CSMD1: variants seen among roughly 807,000 people sequenced by gnomAD.
CSMD1 encodes the protein CUB and Sushi multiple domains 1.
CSMD1 carries 213 observed loss-of-function variants against 417.5 expected under a neutral mutation model. The observed-to-expected ratio is 0.51, with a 90% CI of 0.46 to 0.57. The LOEUF (loss-of-function observed/expected upper bound fraction) is 0.57. CSMD1 is among the 20% of genes least tolerant of loss of function. The pLI is 0.00. For missense variants in CSMD1, 6,923 were observed against 4,529.7 expected (o/e 1.53, Z -15.17); for synonymous variants, 2,862 against 1,736.8 (o/e 1.65, Z -16.11).
chr8:3,062,431 T>C (rs1438804596), intron 49 of CSMD1, among the ~76,000 whole-genome samples: 1 of 152,112 alleles, frequency 6.6e-6, no homozygotes, highest in Non-Finnish European at 1.5e-5. Flanking sequence ...AACAGAAATA[T>C]TCTTCCGTTT....
At chr8:3,682,613 C>T (rs1017341093) in intron 7 of CSMD1, among the ~76,000 whole-genome samples, 1 of 152,178 alleles carries the variant, frequency 6.6e-6, no homozygotes, top group South Asian at 2.1e-4. Flanking sequence ...ACTAGTTCAA[C>T]CATTGTGGAA....
chr8:4,930,884 A>G (rs1398382310), intron 1 of CSMD1, among the ~76,000 whole-genome samples: 2 of 152,224 alleles, frequency 1.3e-5, no homozygotes, highest in Non-Finnish European at 2.9e-5. Context: ...GAATTACTGT[A>G]TGTCTAGTTT....
chr8:2,940,797 A>T (rs1267612340), intron 69 of CSMD1, among the ~76,000 whole-genome samples: 3 of 152,214 alleles, frequency 2.0e-5, no homozygotes, highest in Non-Finnish European at 4.4e-5. Flanking sequence ...AAGTTGAGGG[A>T]AAACAGCTTT....
chr8:3,916,520 G>C (rs926338897), intron 5 of CSMD1, among the ~76,000 whole-genome samples: 2 of 152,136 alleles, frequency 1.3e-5, no homozygotes, highest in Non-Finnish European at 2.9e-5. Context: ...CCTACTTAGG[G>C]ATACGCCTAG....
chr8:4,609,382 C>G (rs1300313771), intron 2 of CSMD1, among the ~76,000 whole-genome samples: 1 of 152,164 alleles, frequency 6.6e-6, no homozygotes, highest in African/African-American at 2.4e-5. Flanking sequence ...GCCTGGGTGA[C>G]AGGGTGAGAC....
At chr8:3,823,202 T>G (rs1008035074) in intron 5 of CSMD1, among the ~76,000 whole-genome samples, 1 of 152,116 alleles carries the variant, frequency 6.6e-6, no homozygotes, top group Non-Finnish European at 1.5e-5. Flanking sequence ...CAGTTTGCAA[T>G]ATTGGTGGGT....
chr8:4,140,565 G>C (rs1366858200), intron 3 of CSMD1, among the ~76,000 whole-genome samples: 1 of 150,988 alleles, frequency 6.6e-6, no homozygotes, highest in Non-Finnish European at 1.5e-5. Flanking sequence ...CTACTAGGGA[G>C]GCTAAGGTGG....
At chr8:4,640,578 G>A (rs182820276) in intron 1 of CSMD1, among the ~76,000 whole-genome samples, 1 of 152,236 alleles carries the variant, frequency 6.6e-6, no homozygotes, top group East Asian at 1.9e-4. Flanking sequence ...TTCTATACAT[G>A]TTTTCTTTGT....
At chr8:3,685,104 T>C (rs1289298866) in intron 7 of CSMD1, among the ~76,000 whole-genome samples, 1 of 152,178 alleles carries the variant, frequency 6.6e-6, no homozygotes, top group Non-Finnish European at 1.5e-5. Context: ...CTGGGTTCAT[T>C]ATAGAAAATG....
At chr8:3,691,770 A>AAG (rs1800256891) in intron 7 of CSMD1, among the ~76,000 whole-genome samples, 1 of 132,362 alleles carries the variant, frequency 7.6e-6, no homozygotes, top group Non-Finnish European at 1.8e-5. Flanking sequence ...ACCATTTTTT[A>AAG]CACATTTATT....
intron 6 of CSMD1, among the ~76,000 whole-genome samples, chr8:3,720,132 A>T (rs1426363862): frequency 3.3e-5 from 5 of 152,326 alleles, no homozygotes; most frequent in African/African-American, 1.2e-4. Flanking sequence ...GCAACTCTTT[A>T]TTCAGCTTTT....
chr8:4,850,906 G>GCC (rs537324171), intron 1 of CSMD1, among the ~76,000 whole-genome samples: 3,415 of 148,038 alleles, frequency 0.023, 132 homozygotes, highest in African/African-American at 0.079. Context: ...TGTTTCCCTT[G>GCC]CCCCCCCACT....
At chr8:3,476,260 T>G (rs1319102444) in intron 11 of CSMD1, among the ~76,000 whole-genome samples, 1 of 152,200 alleles carries the variant, frequency 6.6e-6, no homozygotes, top group Non-Finnish European at 1.5e-5. Flanking sequence ...CATAACCCAC[T>G]GAAATTCCCA....
At chr8:4,836,843 G>A (rs1001089222) in intron 1 of CSMD1, among the ~76,000 whole-genome samples, 1 of 151,948 alleles carries the variant, frequency 6.6e-6, no homozygotes, top group Non-Finnish European at 1.5e-5. Context: ...AAAAGTAGAC[G>A]CTGTCTCCAA....
At chr8:3,061,864 T>G (rs1474844477) in intron 49 of CSMD1, among the ~76,000 whole-genome samples, 1 of 152,126 alleles carries the variant, frequency 6.6e-6, no homozygotes, top group African/African-American at 2.4e-5. Context: ...GTAAGAAAAG[T>G]GGGCATTAGA....
In CSMD1 at chr8:4,912,802, G is replaced by A. The variant is rs183365079; in HGVS notation, c.85+81530C>T. On this transcript the variant is annotated intron_variant, in intron 1 of 69. Transcript: ENST00000635120. ...AGCACCAGCTATTTTTTTTGGAGGG[G>A]GGGCACAGAGTCTTGCTCTGTCTCC... is the stretch of plus-strand genomic sequence containing the variant. Among the ~76,000 whole-genome samples, 609 of 151,444 alleles carry A rather than the reference G, an allele frequency of 4.0e-3. 4 individuals carry two copies. The highest frequency in any genetic ancestry group is 6.8e-3 in the East Asian group (35 of 5,142).
intron 2 of CSMD1, among the ~76,000 whole-genome samples, chr8:4,476,997 A>T (rs17070375): frequency 0.087 from 13,178 of 152,254 alleles, 850 homozygotes; most frequent in East Asian, 0.23. Flanking sequence ...GCTGCCTAGG[A>T]TGGACAGGTG....
chr8:4,006,854 G>T (rs531133039), intron 4 of CSMD1, among the ~76,000 whole-genome samples: 1 of 124,604 alleles, frequency 8.0e-6, no homozygotes, highest in East Asian at 2.4e-4. Context: ...TTGAGATGGA[G>T]ACTCACTCTG....
chr8:4,120,866 T>A (rs1802447943), intron 3 of CSMD1, among the ~76,000 whole-genome samples: 2 of 152,168 alleles, frequency 1.3e-5, no homozygotes, highest in Admixed American at 6.5e-5. Context: ...CAGAAACAAA[T>A]TTTTTCTGTT....
Sources: allele counts gnomAD v4.1 joint callset (sites outside exome capture counted in the v4.1 genomes callset), GRCh38; gene constraint gnomAD v4.1.1; transcripts MANE v1.5; gene names NCBI Gene and HGNC (gene_info 2026-07-23, HGNC 2026-07-21).